MTSS1: variants seen among roughly 807,000 people sequenced by gnomAD.
MTSS1 encodes protein MTSS 1.
A neutral mutation model predicts 79.0 loss-of-function variants in MTSS1; 18 were observed. The ratio of observed to expected loss-of-function variants is 0.23; its 90% CI spans 0.16 to 0.34. MTSS1 has a LOEUF of 0.34. MTSS1 is among the 10% of genes least tolerant of loss of function. The pLI, the probability that MTSS1 is intolerant of heterozygous loss-of-function variation, is 1.00. For synonymous variants in MTSS1, 341 were observed against 368.6 expected, an observed-to-expected ratio of 0.93 and a Z score of 0.86; for missense variants, 815 against 986.2, an observed-to-expected ratio of 0.83 and a Z score of 2.33.
At chr8:124,711,633 GCACCTGATTA>G (rs1831180478) in intron 1 of MTSS1, among the ~76,000 whole-genome samples, 1 of 152,122 alleles carries the variant, frequency 6.6e-6, no homozygotes, top group African/African-American at 2.4e-5. Flanking sequence ...TGCACACATG[GCACCTGATTA>G]CAACTGCAGA....
rs1004252240 is a variant in MTSS1, at chr8:124,727,458, C to T, written c.72+426G>A. ...GACTCCTTCCTGCGAGCGGGCAGAG[C>T]CCCCACTTCCTCCCCACCACCGCGC... On this transcript the variant is annotated intron_variant, in intron 1 of 13. Transcript: ENST00000518547. The surrounding 1 kb of genome is among the most constrained non-coding windows in gnomAD (Gnocchi z 4.7). 2.3e-6 allele frequency: 1 copy of T among 433,376 alleles called. No individual in the cohort carries two copies. The highest frequency in any genetic ancestry group is 4.6e-6 in the Non-Finnish European group (1 of 216,726). The allele number at this position is 433,376 out of a possible 1,614,324, so 26.8% of individuals were successfully genotyped here. A position where few individuals can be genotyped will look rare whatever the true frequency, so the allele number is the denominator to read the frequency against.
intron 3 of MTSS1, among the ~76,000 whole-genome samples, chr8:124,696,179 G>C (rs1010896457): frequency 6.6e-6 from 1 of 151,972 alleles, no homozygotes; most frequent in Non-Finnish European, 1.5e-5. Context: ...GTAGAGACAG[G>C]ATTTCAACAT....
intron 6 of MTSS1, among the ~76,000 whole-genome samples, chr8:124,574,240 G>A (rs564446124): frequency 3.3e-5 from 5 of 152,090 alleles, no homozygotes; most frequent in African/African-American, 9.7e-5. Context: ...CACCACACCC[G>A]GCCACAGAAG....
intron 1 of MTSS1, among the ~76,000 whole-genome samples, chr8:124,724,012 T>C (rs1225425338): frequency 6.6e-6 from 1 of 152,162 alleles, no homozygotes; most frequent in Non-Finnish European, 1.5e-5. Context: ...ATTACCTGTT[T>C]ACAGCCCACA....
At chr8:124,578,970 T>C (rs1236811111) in intron 6 of MTSS1, among the ~76,000 whole-genome samples, 1 of 152,192 alleles carries the variant, frequency 6.6e-6, no homozygotes, top group Non-Finnish European at 1.5e-5. Context: ...ACAAATCATA[T>C]AGCTTTTCTT....
At chr8:124,680,449 A>T (rs56218596) in intron 3 of MTSS1, among the ~76,000 whole-genome samples, 1 of 152,190 alleles carries the variant, frequency 6.6e-6, no homozygotes, top group African/African-American at 2.4e-5. Context: ...AGGCCTAGGC[A>T]GCTGAGTCCC....
chr8:124,671,293 T>C (rs147400844), intron 3 of MTSS1, among the ~76,000 whole-genome samples: 51 of 152,232 alleles, frequency 3.4e-4, no homozygotes, highest in Admixed American at 1.0e-3. Flanking sequence ...CCATTGCTTC[T>C]ACCCCCGTTC....
intron 3 of MTSS1, among the ~76,000 whole-genome samples, chr8:124,611,874 G>A (rs1403861067): frequency 1.4e-5 from 2 of 147,502 alleles, no homozygotes; most frequent in East Asian, 2.0e-4. Context: ...TATTTGCACA[G>A]AAGCAGATTT....
chr8:124,661,906 T>C (rs1405257279), intron 3 of MTSS1, among the ~76,000 whole-genome samples: 1 of 152,182 alleles, frequency 6.6e-6, no homozygotes, highest in East Asian at 1.9e-4. Flanking sequence ...AGGGCCATGC[T>C]CCATTCATCT....
chr8:124,660,724 T>C (rs1220116857), intron 3 of MTSS1, among the ~76,000 whole-genome samples: 3 of 152,288 alleles, frequency 2.0e-5, no homozygotes, highest in East Asian at 3.9e-4. Context: ...ATGATATCAG[T>C]GTTCTAAAAT....
At chr8:124,556,644 C>G (rs1415181036) in intron 11 of MTSS1, 1 of 540,498 alleles carries the variant, frequency 1.9e-6, no homozygotes, top group Non-Finnish European at 3.2e-6. Flanking sequence ...ATTAAAAACC[C>G]TCACCCACCA....
At chr8:124,563,968 T>C (rs772242070) in intron 9 of MTSS1, among the ~76,000 whole-genome samples, 2 of 151,930 alleles carry the variant, frequency 1.3e-5, no homozygotes, top group African/African-American at 2.4e-5. Flanking sequence ...CCGCCTCTGA[T>C]AAAAATACAA....
chr8:124,617,842 T>C (rs1025040327), intron 3 of MTSS1, among the ~76,000 whole-genome samples: 8 of 152,182 alleles, frequency 5.3e-5, no homozygotes, highest in Admixed American at 4.6e-4. Flanking sequence ...CTAAAATCCC[T>C]GACAACTCTA....
chr8:124,590,522 G>T (rs893138753), intron 4 of MTSS1, among the ~76,000 whole-genome samples: 2 of 152,224 alleles, frequency 1.3e-5, no homozygotes, highest in Non-Finnish European at 2.9e-5. Flanking sequence ...CAGCCTCGGG[G>T]TTACTGAGGG....
chr8:124,578,165 G>A (rs73341838), intron 6 of MTSS1, among the ~76,000 whole-genome samples: 3,317 of 152,222 alleles, frequency 0.022, 106 homozygotes, highest in African/African-American at 0.072. Context: ...GGGGTGGGGA[G>A]ACGCGGTCCA....
intron 3 of MTSS1, among the ~76,000 whole-genome samples, chr8:124,698,314 C>A (rs559434630): frequency 2.6e-5 from 4 of 152,060 alleles, no homozygotes; most frequent in African/African-American, 7.2e-5. Flanking sequence ...GCCCTACAAC[C>A]CAAATTTTCC....
chr8:124,610,507 T>C (rs1675052601), intron 3 of MTSS1, among the ~76,000 whole-genome samples: 1 of 152,154 alleles, frequency 6.6e-6, no homozygotes, highest in Non-Finnish European at 1.5e-5. Context: ...AGCCCTGGGA[T>C]TTCTTAAAGC....
intron 3 of MTSS1, among the ~76,000 whole-genome samples, chr8:124,618,806 T>C (rs1812898275): frequency 6.6e-6 from 1 of 152,038 alleles, no homozygotes; most frequent in South Asian, 2.1e-4. Flanking sequence ...AGAAAACAAA[T>C]ACAAAAAGCA....
chr8:124,706,105 T>C (rs917282932), intron 1 of MTSS1, among the ~76,000 whole-genome samples: 1 of 152,068 alleles, frequency 6.6e-6, no homozygotes, highest in African/African-American at 2.4e-5. Flanking sequence ...AGATCATGCA[T>C]AGCACTCATT....
Sources: allele counts gnomAD v4.1 joint callset (sites outside exome capture counted in the v4.1 genomes callset), GRCh38; gene constraint gnomAD v4.1.1; non-coding constraint Gnocchi (gnomAD v3.1); transcripts MANE v1.5; gene names NCBI Gene and HGNC (gene_info 2026-07-23, HGNC 2026-07-21).